SPOCK3: variants seen among roughly 807,000 people sequenced by gnomAD.
SPOCK3 encodes the protein SPARC (osteonectin), cwcv and kazal like domains proteoglycan 3, also known as testican-3.
In SPOCK3, 30 loss-of-function variants were observed where a neutral mutation model predicts 56.6. The ratio of observed to expected loss-of-function variants is 0.53; its 90% CI spans 0.40 to 0.72. The LOEUF is 0.72. SPOCK3 is among the 30% of genes least tolerant of loss of function. SPOCK3 has a pLI of 0.00. For synonymous variants in SPOCK3, 196 were observed against 183.3 expected, an observed-to-expected ratio of 1.07 and a Z score of -0.56; for missense variants, 527 against 530.0, an observed-to-expected ratio of 0.99 and a Z score of 0.06.
In SPOCK3 at chr4:167,195,011, T is replaced by A. The variant is rs144408982; in HGVS notation, c.189+38974A>T. On this transcript the variant is annotated intron_variant, in intron 2 of 10. Coordinates refer to ENST00000357545, the MANE Select transcript of SPOCK3 (RefSeq NM_001040159.2). ...GGCCTGCTTCAGGGTCCAGAGCTGA[T>A]ACTGAGGTCTGCAGGCCTACCTCTA... 1.1e-3 allele frequency among the ~76,000 whole-genome samples: 161 copies of A among 152,288 alleles called. 1 individual carries two copies. The highest frequency in any genetic ancestry group is 3.8e-3 in the African/African-American group (156 of 41,568).
rs1737029636 is a variant in SPOCK3, at chr4:166,756,041, G to C, written c.710-1312C>G. On this transcript the variant is annotated intron_variant, in intron 7 of 10. Transcript: ENST00000357545. Reference sequence around the variant, plus strand: ...GCCAGTGTGTGTGCGCACCGTGCGCGAGCCGAAGCAGGGCGAGGCATTGCC... The same window carrying C: ...GCCAGTGTGTGTGCGCACCGTGCGCCAGCCGAAGCAGGGCGAGGCATTGCC... 5.8e-5 allele frequency among the ~76,000 whole-genome samples: 2 copies of C among 34,512 alleles called. 1 individual carries two copies. The highest frequency in any genetic ancestry group is 1.3e-4 in the Non-Finnish European group (2 of 15,736). 22.6% of individuals were successfully genotyped at this position (34,512 alleles called of 152,430 possible).
chr4:166,860,802 C>CATATATATACATATATATATATAT (rs1553989681), intron 6 of SPOCK3, among the ~76,000 whole-genome samples: 16 of 101,940 alleles, frequency 1.6e-4, no homozygotes, highest in African/African-American at 5.7e-4. Flanking sequence ...CACACAAATT[C>CATATATATACATATATATATATAT]ATATATATAT....
At chr4:167,110,903 TTTA>T (rs1760847622) in intron 2 of SPOCK3, among the ~76,000 whole-genome samples, 1 of 151,994 alleles carries the variant, frequency 6.6e-6, no homozygotes, top group Admixed American at 6.6e-5. Context: ...GTTGAGAGAT[TTTA>T]TTGTTTACTT....
intron 3 of SPOCK3, among the ~76,000 whole-genome samples, chr4:167,042,383 T>A (rs979262509): frequency 6.6e-6 from 1 of 152,194 alleles, no homozygotes; most frequent in Non-Finnish European, 1.5e-5. Flanking sequence ...ATATGTTATG[T>A]AATTGTTATG....
chr4:167,210,145 C>T (rs969740505), intron 2 of SPOCK3, among the ~76,000 whole-genome samples: 3 of 152,210 alleles, frequency 2.0e-5, no homozygotes, highest in Non-Finnish European at 2.9e-5. Flanking sequence ...CTATCATTCA[C>T]AATTTGTTTA....
At chr4:166,963,681 G>T (rs1744396060) in intron 4 of SPOCK3, among the ~76,000 whole-genome samples, 1 of 151,702 alleles carries the variant, frequency 6.6e-6, no homozygotes, top group Admixed American at 6.6e-5. Flanking sequence ...TAAATATTCT[G>T]CACACAAAAT....
chr4:167,080,569 G>A (rs1370588716), intron 2 of SPOCK3, among the ~76,000 whole-genome samples: 1 of 151,926 alleles, frequency 6.6e-6, no homozygotes, highest in Non-Finnish European at 1.5e-5. Flanking sequence ...TAGGAGTGAC[G>A]TCTAAACAGA....
chr4:167,139,482 C>T (rs191921585), intron 2 of SPOCK3, among the ~76,000 whole-genome samples: 5 of 151,980 alleles, frequency 3.3e-5, no homozygotes, highest in Admixed American at 6.6e-5. Context: ...GAATGTTATG[C>T]TAGTATGAAA....
intron 3 of SPOCK3, 97 bp downstream of exon 3, chr4:167,062,395 G>T: frequency 1.1e-6 from 1 of 872,046 alleles, no homozygotes; most frequent in Non-Finnish European, 1.8e-6. Context: ...CTTCTATTTA[G>T]TATTTTCAAG....
At chr4:167,175,111 T>C (rs1730866995) in intron 2 of SPOCK3, among the ~76,000 whole-genome samples, 1 of 152,142 alleles carries the variant, frequency 6.6e-6, no homozygotes, top group African/African-American at 2.4e-5. Flanking sequence ...TATGGGGACC[T>C]CATGGGAAAA....
At chr4:166,849,702 C>T (rs993111789) in intron 6 of SPOCK3, among the ~76,000 whole-genome samples, 6 of 152,048 alleles carry the variant, frequency 3.9e-5, no homozygotes, top group Non-Finnish European at 5.9e-5. Context: ...ATGTAATTTT[C>T]GTCATGCAAA....
chr4:167,144,236 T>C (rs983124113), intron 2 of SPOCK3, among the ~76,000 whole-genome samples: 1 of 151,990 alleles, frequency 6.6e-6, no homozygotes, highest in African/African-American at 2.4e-5. Flanking sequence ...TTTCTACAAA[T>C]AAGCTGCTAA....
rs1328262624 is a variant in SPOCK3, at chr4:166,826,056, C to G, written c.590-33767G>C. 2.0e-5 allele frequency among the ~76,000 whole-genome samples: 3 copies of G among 151,948 alleles called. No individual in the cohort carries two copies. The East Asian group carries it at 5.8e-4, about 30-fold the overall frequency. ...AAACTATTAAATTTTTTAAGAAAGA[C>G]AGTAATATAGTAGAGTTGTAAGATC... is the stretch of plus-strand genomic sequence containing the variant. On this transcript the variant is annotated intron_variant, in intron 6 of 10. Transcript: ENST00000357545.
chr4:167,190,264 C>T (rs1732365820), intron 2 of SPOCK3, among the ~76,000 whole-genome samples: 1 of 145,696 alleles, frequency 6.9e-6, no homozygotes. Context: ...CCCTTTTTGA[C>T]ACCCTCACCA....
chr4:166,787,947 T>C (rs147992562), intron 7 of SPOCK3, among the ~76,000 whole-genome samples: 2,383 of 152,194 alleles, frequency 0.016, 29 homozygotes, highest in Non-Finnish European at 0.025. Context: ...TTGGGGAGGC[T>C]GAGGTGGGCG....
intron 4 of SPOCK3, among the ~76,000 whole-genome samples, chr4:166,951,757 G>T (rs1425175294): frequency 9.1e-6 from 1 of 109,378 alleles, no homozygotes; most frequent in East Asian, 2.1e-4. Flanking sequence ...CTTCATCCCT[G>T]GGATGCAAGG....
chr4:167,180,577 G>A lies in SPOCK3; in HGVS notation c.189+53408C>T, dbSNP rs554185368. 1.9e-3 allele frequency among the ~76,000 whole-genome samples: 285 copies of A among 152,232 alleles called. 1 individual carries two copies. Among genetic ancestry groups the A allele is most frequent in the Middle Eastern group, 3.4e-3 (1 of 294 alleles). ...AAGAAATACTGAGGTCTATAAGGTG[G>A]TCTCATTTTTATGCACACAATGATG... On this transcript the variant is annotated intron_variant, in intron 2 of 10. Coordinates refer to ENST00000357545, the MANE Select transcript of SPOCK3 (RefSeq NM_001040159.2).
At chr4:167,164,222 C>CA (rs1561282747) in intron 2 of SPOCK3, among the ~76,000 whole-genome samples, 1 of 151,858 alleles carries the variant, frequency 6.6e-6, no homozygotes, top group African/African-American at 2.4e-5. Flanking sequence ...TTGTATCACT[C>CA]AAAATAAGTA....
At chr4:166,899,116 T>C (rs1448512109) in intron 5 of SPOCK3, among the ~76,000 whole-genome samples, 1 of 151,978 alleles carries the variant, frequency 6.6e-6, no homozygotes, top group African/African-American at 2.4e-5. Flanking sequence ...CCCTTGACTC[T>C]CACACCTTGG....
Sources: gnomAD v4.1 joint callset for allele counts (sites outside exome capture counted in the v4.1 genomes callset) on GRCh38, gnomAD v4.1.1 for gene constraint, MANE v1.5 for transcripts, NCBI Gene and HGNC (gene_info 2026-07-23, HGNC 2026-07-21) for gene names.